The following SHISA9 variants were observed in gnomAD, a reference collection of about 807,000 sequenced individuals.
SHISA9 encodes the protein shisa family member 9.
A neutral mutation model predicts 38.0 loss-of-function variants in SHISA9; 13 were observed. The observed-to-expected ratio is 0.34, with a 90% CI of 0.22 to 0.54. The LOEUF (loss-of-function observed/expected upper bound fraction) is 0.54, where lower values mean the gene tolerates loss of function less well. Ranked by LOEUF, SHISA9 falls within the 20% of genes least tolerant of loss-of-function variation. The pLI is 0.91. For synonymous variants in SHISA9, 275 were observed against 242.0 expected, an observed-to-expected ratio of 1.14 and a Z score of -1.27; for missense variants, 538 against 575.8, an observed-to-expected ratio of 0.93 and a Z score of 0.67.
chr16:13,191,270 C>A (rs1387411584), intron 2 of SHISA9, among the ~76,000 whole-genome samples: 1 of 152,218 alleles, frequency 6.6e-6, no homozygotes, highest in Non-Finnish European at 1.5e-5. Context: ...CAATTGGCCC[C>A]AGCAGGGACA....
At chr16:13,278,124 A>C in the SHISA9 span, among the ~76,000 whole-genome samples, 1 of 152,060 alleles carries the variant, frequency 6.6e-6, no homozygotes, top group African/African-American at 2.4e-5. Flanking sequence ...TTTAGTCATA[A>C]AGTGATGCTG....
chr16:13,558,506 A>G, the SHISA9 span, among the ~76,000 whole-genome samples: 1 of 152,190 alleles, frequency 6.6e-6, no homozygotes, highest in Non-Finnish European at 1.5e-5. Flanking sequence ...TTATCAATCA[A>G]TCAATGCATA....
At position 13,061,470 on chromosome 16, in the gene SHISA9, A is replaced by T. The variant is rs188646103; in HGVS notation, c.692-141924A>T. 2.6e-5 allele frequency among the ~76,000 whole-genome samples: 4 copies of T among 152,334 alleles called. No individual in the cohort carries two copies. In the East Asian group the frequency reaches 7.7e-4, roughly 29 times the overall value. On this transcript the variant is annotated intron_variant, in intron 2 of 4. Transcript: ENST00000558583. The stretch of plus-strand genomic sequence containing the variant: ...TAAGATTGTTACATATCAGCAAAAC[A>T]TTTGAACTTGGCAGGTTTATGCACT...
At chr16:13,402,990 C>T in the SHISA9 span, among the ~76,000 whole-genome samples, 10 of 152,052 alleles carry the variant, frequency 6.6e-5, no homozygotes, top group East Asian at 9.7e-4. Context: ...TGGTGGCGTG[C>T]GCCTGTAGTC....
At chr16:13,471,738 A>G in the SHISA9 span, among the ~76,000 whole-genome samples, 3 of 152,196 alleles carry the variant, frequency 2.0e-5, no homozygotes, top group African/African-American at 7.2e-5. Context: ...CTTTCTCTTA[A>G]TTGCAGCAAA....
intron 2 of SHISA9, among the ~76,000 whole-genome samples, chr16:13,126,863 G>A (rs983983200): frequency 7.7e-6 from 1 of 129,574 alleles, no homozygotes; most frequent in African/African-American, 2.9e-5. Flanking sequence ...GAAAGAGAGA[G>A]CTGAGGGAAG....
At chr16:13,462,255 AT>A in the SHISA9 span, among the ~76,000 whole-genome samples, 7 of 152,110 alleles carry the variant, frequency 4.6e-5, no homozygotes, top group Non-Finnish European at 7.4e-5. Context: ...AAAAAAAAAA[AT>A]TCTTTAAAAA....
At chr16:13,166,745 G>A (rs1159731552) in intron 2 of SHISA9, among the ~76,000 whole-genome samples, 1 of 152,160 alleles carries the variant, frequency 6.6e-6, no homozygotes, top group Non-Finnish European at 1.5e-5. Context: ...TAGTGGGAAG[G>A]TACTGGTGAT....
At chr16:12,916,983 G>A (rs998920151) in intron 2 of SHISA9, among the ~76,000 whole-genome samples, 168 bp downstream of exon 2, 1 of 152,196 alleles carries the variant, frequency 6.6e-6, no homozygotes, top group Non-Finnish European at 1.5e-5. Context: ...ATCATCCGAT[G>A]TCCGTTGGTT....
the SHISA9 span, among the ~76,000 whole-genome samples, chr16:13,484,084 C>T: frequency 1.3e-5 from 2 of 152,112 alleles, no homozygotes; most frequent in Non-Finnish European, 2.9e-5. Flanking sequence ...TCAGTGGCAT[C>T]TGATGCTATC....
chr16:13,263,318 C>T, the SHISA9 span, among the ~76,000 whole-genome samples: 2 of 152,112 alleles, frequency 1.3e-5, no homozygotes, highest in African/African-American at 4.8e-5. Context: ...CAATTGTAAT[C>T]CCATGTTGGA....
chr16:13,035,310 A>G (rs1321310138), intron 2 of SHISA9, among the ~76,000 whole-genome samples: 1 of 152,118 alleles, frequency 6.6e-6, no homozygotes, highest in Non-Finnish European at 1.5e-5. Context: ...AGATTAAATG[A>G]CTCACAAGGG....
chr16:13,222,196 ACCAGG>A (rs1259831250), intron 4 of SHISA9, among the ~76,000 whole-genome samples: 14 of 152,222 alleles, frequency 9.2e-5, no homozygotes, highest in East Asian at 7.7e-4. Context: ...GGTCCCTCCC[ACCAGG>A]TCCCTCCCAA....
At chr16:12,995,017 G>T (rs936602752) in intron 2 of SHISA9, among the ~76,000 whole-genome samples, 20 of 151,898 alleles carry the variant, frequency 1.3e-4, no homozygotes, top group Admixed American at 1.2e-3. Flanking sequence ...CAAAGCCACA[G>T]GAGTGGATAA....
At chr16:13,038,813 T>C (rs1484759314) in intron 2 of SHISA9, among the ~76,000 whole-genome samples, 5 of 152,254 alleles carry the variant, frequency 3.3e-5, no homozygotes, top group Admixed American at 3.3e-4. Context: ...TGCCCACTAC[T>C]GAATTACTAG....
At chr16:12,938,588 C>G (rs1161354636) in intron 2 of SHISA9, among the ~76,000 whole-genome samples, 2 of 152,024 alleles carry the variant, frequency 1.3e-5, no homozygotes, top group African/African-American at 4.8e-5. Context: ...ACCTTTGCCT[C>G]CCAGGTTCAA....
At chr16:13,350,640 G>A in the SHISA9 span, 3 of 152,184 alleles carry the variant, frequency 2.0e-5, no homozygotes, top group Non-Finnish European at 2.9e-5. Flanking sequence ...TATACCAATT[G>A]CAGACATGAC....
intron 2 of SHISA9, among the ~76,000 whole-genome samples, chr16:13,071,076 A>G (rs1312622480): frequency 2.0e-5 from 3 of 152,200 alleles, no homozygotes; most frequent in Non-Finnish European, 2.9e-5. Flanking sequence ...TCATTCAAGA[A>G]TGACAAGACA....
At chr16:13,277,513 T>C in the SHISA9 span, among the ~76,000 whole-genome samples, 2 of 152,118 alleles carry the variant, frequency 1.3e-5, no homozygotes, top group African/African-American at 4.8e-5. Flanking sequence ...TTTGGCAGTA[T>C]GGTCATTTTC....
Sources: allele counts gnomAD v4.1 joint callset (sites outside exome capture counted in the v4.1 genomes callset), GRCh38; gene constraint gnomAD v4.1.1; transcripts MANE v1.5; gene names NCBI Gene and HGNC (gene_info 2026-07-23, HGNC 2026-07-21).